LINGO1: variants seen among roughly 807,000 people sequenced by gnomAD.
LINGO1 encodes the protein leucine rich repeat and Ig domain containing 1, also known as leucine-rich repeat and immunoglobulin-like domain-containing nogo receptor-interacting protein 1.
In LINGO1, 11 loss-of-function variants were observed where a neutral mutation model predicts 37.3. The observed-to-expected ratio is 0.29, with a 90% CI of 0.19 to 0.49. The LOEUF (loss-of-function observed/expected upper bound fraction) is 0.49. Among genes scored for constraint, LINGO1 ranks in the 20% least tolerant of loss-of-function variants. The pLI is 0.99. For synonymous variants in LINGO1, 387 were observed against 403.0 expected, an observed-to-expected ratio of 0.96 and a Z score of 0.48; for missense variants, 585 against 878.2, an observed-to-expected ratio of 0.67 and a Z score of 4.22.
chr15:77,776,472 GGCAGGAAGGCAGGAAA>G lies in LINGO1; in HGVS notation c.-257+10381_-257+10396del, dbSNP rs1355461787. Reference sequence around the variant, plus strand: ...TAGCAGGAAGGCAGGAAGGCAGGAAGGCAGGAAGGCAGGAAAGCAGGAAGGCAGGAAGGCAGGAAGG... The same window carrying G: ...TAGCAGGAAGGCAGGAAGGCAGGAAGGCAGGAAGGCAGGAAGGCAGGAAGG... On this transcript the variant is annotated intron_variant, in intron 1 of 3. Transcript: ENST00000561686. 3.7e-3 allele frequency among the ~76,000 whole-genome samples: 423 copies of G among 114,686 alleles called. 2 individuals are homozygous for G. Among genetic ancestry groups the G allele is most frequent in the South Asian group, 0.013 (43 of 3,348 alleles). 75.2% of individuals were successfully genotyped at this position (114,686 alleles called of 152,430 possible). A position where few individuals can be genotyped will look rare whatever the true frequency, so the allele number is the denominator to read the frequency against.
At chr15:77,644,535 T>C (rs1249216364) in intron 3 of LINGO1, among the ~76,000 whole-genome samples, 1 of 152,160 alleles carries the variant, frequency 6.6e-6, no homozygotes, top group African/African-American at 2.4e-5. Context: ...AGGATGGCAT[T>C]GGTGGAGGTG....
intron 1 of LINGO1, among the ~76,000 whole-genome samples, chr15:77,808,119 C>T (rs981761169): frequency 6.6e-6 from 1 of 152,106 alleles, no homozygotes; most frequent in African/African-American, 2.4e-5. Context: ...CACCCATGGC[C>T]CCCAGCCACC....
rs996141286 is a variant in LINGO1, at chr15:77,659,839, GGA to G, written c.-13+17248_-13+17249del. 7.4e-3 allele frequency among the ~76,000 whole-genome samples: 1,107 copies of G among 150,326 alleles called. 25 individuals are homozygous for G. Among genetic ancestry groups the G allele is most frequent in the African/African-American group, 0.025 (1,027 of 40,778 alleles). ...CCTGACCTTGAAAGCTGGTGGGGCG[GGA>G]GAGGCTGGGGTGGGGTGGGGTGGGG... On this transcript the variant is annotated intron_variant, in intron 3 of 3. Coordinates refer to the LINGO1 transcript ENST00000559893.
intron 3 of LINGO1, chr15:77,647,862 T>TG: frequency 2.2e-6 from 1 of 456,654 alleles, no homozygotes; most frequent in Non-Finnish European, 4.4e-6. Flanking sequence ...AGGGAACAGC[T>TG]GGGCTGCTGG....
chr15:77,632,954 A>G (rs1326966521), upstream of LINGO1, among the ~76,000 whole-genome samples: 1 of 140,748 alleles, frequency 7.1e-6, no homozygotes, highest in African/African-American at 2.7e-5. This position sits in a 1 kb window ranked among gnomAD's most constrained non-coding sequence, Gnocchi z 6.0. Flanking sequence ...GGGAGGAGGG[A>G]GCGAGTGAGC....
chr15:77,731,575 G>A (rs1027006481), intron 2 of LINGO1, among the ~76,000 whole-genome samples: 8 of 152,126 alleles, frequency 5.3e-5, no homozygotes, highest in African/African-American at 1.9e-4. Flanking sequence ...TCCTGCGTGA[G>A]AACCAACGAT....
intron 2 of LINGO1, among the ~76,000 whole-genome samples, chr15:77,795,233 A>C (rs1395418483): frequency 6.6e-6 from 1 of 152,106 alleles, no homozygotes; most frequent in African/African-American, 2.4e-5. Flanking sequence ...CCAGGCAGCA[A>C]CCCAGGTCCC....
At chr15:77,637,788 G>A (rs1200111215), upstream of LINGO1, among the ~76,000 whole-genome samples, 1 of 152,204 alleles carries the variant, frequency 6.6e-6, no homozygotes, top group Non-Finnish European at 1.5e-5. The surrounding 1 kb of genome is among the most constrained non-coding windows in gnomAD (Gnocchi z 4.6). Context: ...AACACCCTGA[G>A]GGCTTGGATT....
At chr15:77,726,224 T>C (rs1324958462) in intron 2 of LINGO1, among the ~76,000 whole-genome samples, 4 of 152,202 alleles carry the variant, frequency 2.6e-5, no homozygotes, top group African/African-American at 9.7e-5. Flanking sequence ...TGAGCACCTG[T>C]GTCTCCGCCC....
intron 2 of LINGO1, among the ~76,000 whole-genome samples, chr15:77,711,065 C>T (rs1023432253): frequency 6.6e-6 from 1 of 152,160 alleles, no homozygotes; most frequent in Non-Finnish European, 1.5e-5. Flanking sequence ...CACCCAGAGC[C>T]CTCCCTTCTT....
chr15:77,783,931 G>A (rs1010057865), intron 1 of LINGO1, among the ~76,000 whole-genome samples: 4 of 152,320 alleles, frequency 2.6e-5, no homozygotes, highest in Admixed American at 6.5e-5. Context: ...GTTCCTGGGT[G>A]CAGACTGACT....
rs543258225 is a variant in LINGO1 at position 77,772,187 on chromosome 15, C to T, written c.-257+14682G>A. ...GGTAGACTCCACCTGGCTTATCTAA[C>T]CTGAGCTTCCTCTCCCTGTCCCTGA... On this transcript the variant is annotated intron_variant, in intron 1 of 3. Coordinates refer to the LINGO1 transcript ENST00000561686. Among the ~76,000 whole-genome samples, 9 of 152,350 alleles carry T rather than the reference C, an allele frequency of 5.9e-5. No individual in the cohort carries two copies. The South Asian group carries it at 1.9e-3, about 32-fold the overall frequency.
At chr15:77,818,405 A>T (rs887750723) in intron 1 of LINGO1, among the ~76,000 whole-genome samples, 1 of 151,992 alleles carries the variant, frequency 6.6e-6, no homozygotes, top group Admixed American at 6.5e-5. Context: ...GTGGGAGGAG[A>T]CTCACAATGG....
At chr15:77,631,829 G>A (rs1192947310) in intron 1 of LINGO1, among the ~76,000 whole-genome samples, 2 of 152,232 alleles carry the variant, frequency 1.3e-5, no homozygotes, top group African/African-American at 4.8e-5. Flanking sequence ...GTGTGGTGGG[G>A]AGCTGCCATC....
chr15:77,622,243 C>G (rs1567459633), intron 1 of LINGO1, among the ~76,000 whole-genome samples: 1 of 149,832 alleles, frequency 6.7e-6, no homozygotes, highest in South Asian at 2.1e-4. Context: ...CCGGGAGACA[C>G]GTGGTGGGTG....
At chr15:77,670,566 G>A (rs987856953) in intron 3 of LINGO1, among the ~76,000 whole-genome samples, 1 of 152,196 alleles carries the variant, frequency 6.6e-6, no homozygotes, top group Non-Finnish European at 1.5e-5. Flanking sequence ...CCACAACAGT[G>A]ACCACAGCAC....
chr15:77,658,193 C>CATGCCCAGCCCTTCACACCGAGCT (rs2074909042), intron 3 of LINGO1, among the ~76,000 whole-genome samples: 2 of 152,352 alleles, frequency 1.3e-5, no homozygotes, highest in East Asian at 3.9e-4. Context: ...GAGTCCGGCG[C>CATGCCCAGCCCTTCACACCGAGCT]ATGCCCAGCC....
chr15:77,802,046 C>T (rs2076923513), intron 1 of LINGO1, among the ~76,000 whole-genome samples: 1 of 152,108 alleles, frequency 6.6e-6, no homozygotes, highest in South Asian at 2.1e-4. Flanking sequence ...GGCTCCAGTG[C>T]TGCAGGAAGG....
At chr15:77,794,871 T>C (rs2076860490) in intron 2 of LINGO1, among the ~76,000 whole-genome samples, 1 of 152,054 alleles carries the variant, frequency 6.6e-6, no homozygotes, top group Admixed American at 6.6e-5. Context: ...ATTTTGATGG[T>C]GCTAACTGGG....
Sources: allele counts gnomAD v4.1 joint callset (sites outside exome capture counted in the v4.1 genomes callset), GRCh38; gene constraint gnomAD v4.1.1; non-coding constraint Gnocchi (gnomAD v3.1); transcripts MANE v1.5; gene names NCBI Gene and HGNC (gene_info 2026-07-23, HGNC 2026-07-21).